The following OVAAL variants were observed in gnomAD, a reference collection of about 807,000 sequenced individuals.
OVAAL encodes the protein long intergenic non-protein coding RNA 1131.
exon 3 of OVAAL, chr1:180,565,932 G>A (rs1653281862): frequency 2.0e-5 from 3 of 152,134 alleles, no homozygotes; most frequent in Admixed American, 6.6e-5. Flanking sequence ...CCAAAAGGCC[G>A]AGAAGAGATT....
chr1:180,560,829 C>T (rs1297814830), intron 1 of OVAAL, among the ~76,000 whole-genome samples: 2 of 152,192 alleles, frequency 1.3e-5, no homozygotes, highest in East Asian at 1.9e-4. Context: ...TAGTAACTTA[C>T]ATAGTAATCA....
At chr1:180,565,635 A>G (rs1653276988) in exon 3 of OVAAL, 1 of 152,198 alleles carries the variant, frequency 6.6e-6, no homozygotes, top group Non-Finnish European at 1.5e-5. Context: ...GAACTTGAAT[A>G]AACTCTGGAC....
At chr1:180,563,390 T>C (rs61811630) in intron 2 of OVAAL, among the ~76,000 whole-genome samples, 6,522 of 152,156 alleles carry the variant, frequency 0.043, 161 homozygotes, top group Non-Finnish European at 0.053. Flanking sequence ...AGTGGAGAAT[T>C]CGTACGGGTC....
At chr1:180,563,616 G>T (rs1252310282) in intron 2 of OVAAL, among the ~76,000 whole-genome samples, 3 of 152,182 alleles carry the variant, frequency 2.0e-5, no homozygotes, top group Non-Finnish European at 4.4e-5. Context: ...CTTTCGTTGA[G>T]GGTGGTTTGT....
At chr1:180,562,709 C>T (rs796527154) in intron 2 of OVAAL, among the ~76,000 whole-genome samples, 10 of 152,210 alleles carry the variant, frequency 6.6e-5, no homozygotes, top group South Asian at 2.1e-4. Context: ...TATTCAGTAG[C>T]GGATGGGGTG....
chr1:180,561,946 T>C (rs7514062), intron 1 of OVAAL, among the ~76,000 whole-genome samples: 134,139 of 151,610 alleles, frequency 0.88, 59,430 homozygotes, highest in South Asian at 0.97. Context: ...TTGCTTGAAC[T>C]AGGGATGCTG....
intron 1 of OVAAL, among the ~76,000 whole-genome samples, chr1:180,561,398 C>G (rs1653196479): frequency 6.6e-6 from 1 of 152,110 alleles, no homozygotes; most frequent in East Asian, 1.9e-4. Context: ...ACAATCCAGT[C>G]AGGGTAACAG....
At position 180,560,630 on chromosome 1, in the gene OVAAL, T is replaced by G. The variant is rs148471715; in HGVS notation, n.373-1574T>G. On this transcript the variant is annotated intron_variant and non_coding_transcript_variant, in intron 1 of 2. Coordinates refer to ENST00000673955, the Ensembl canonical transcript of OVAAL. ...CTGAAATGGTTTTATTTTATAGATC[T>G]ACATAGTTCACATACATTAGAAATG... 1.8e-3 allele frequency among the ~76,000 whole-genome samples: 277 copies of G among 152,350 alleles called. 1 individual carries two copies. The highest frequency in any genetic ancestry group is 6.1e-3 in the African/African-American group (253 of 41,580).
At chr1:180,560,538 G>A (rs1434350709) in intron 1 of OVAAL, among the ~76,000 whole-genome samples, 1 of 152,148 alleles carries the variant, frequency 6.6e-6, no homozygotes, top group Non-Finnish European at 1.5e-5. Context: ...CCTGGCATTT[G>A]GATTTTTAGC....
chr1:180,563,533 G>A (rs914514080), intron 2 of OVAAL, among the ~76,000 whole-genome samples: 2 of 152,160 alleles, frequency 1.3e-5, no homozygotes, highest in Non-Finnish European at 2.9e-5. Context: ...CCAAGTGGGC[G>A]ACTTGAAGGA....
chr1:180,566,206 T>C (rs1221463222), exon 3 of OVAAL: 1 of 152,236 alleles, frequency 6.6e-6, no homozygotes, highest in African/African-American at 2.4e-5. Context: ...AGAGCAGGTT[T>C]GAACGTCTTC....
chr1:180,562,314 A>G (rs74561262), exon 2 of OVAAL: 4,137 of 152,386 alleles, frequency 0.027, 191 homozygotes, highest in African/African-American at 0.093. Flanking sequence ...TCTGAACAAG[A>G]ACTGTGACTA....
chr1:180,563,845 G>A (rs146968565), intron 2 of OVAAL, among the ~76,000 whole-genome samples: 58 of 152,258 alleles, frequency 3.8e-4, no homozygotes, highest in African/African-American at 1.3e-3. Context: ...ATGATCACCA[G>A]TTTCAGGTTT....
chr1:180,562,237 G>A (rs1653217465), exon 2 of OVAAL: 1 of 152,458 alleles, frequency 6.6e-6, no homozygotes, highest in South Asian at 2.1e-4. Context: ...ATGCAGACAA[G>A]GGAAGTAACT....
intron 1 of OVAAL, among the ~76,000 whole-genome samples, chr1:180,561,595 T>C (rs1305382832): frequency 6.6e-6 from 1 of 152,210 alleles, no homozygotes. Context: ...TCTGTCATTG[T>C]TCATCTTGAT....
In OVAAL at chr1:180,563,031, G is replaced by A. The variant is rs550415820; in HGVS notation, n.513+687G>A. Among the ~76,000 whole-genome samples the A allele has an allele frequency of 9.9e-5, 15 of 152,270 alleles. No individual in the cohort carries two copies. The East Asian group carries it at 2.7e-3, about 27-fold the overall frequency. On this transcript the variant is annotated intron_variant and non_coding_transcript_variant, in intron 2 of 2. Coordinates refer to ENST00000673955, the Ensembl canonical transcript of OVAAL. ...AGCAGCTTTACTGCTACTTCCCTTC[G>A]TTTTCAGTTCTGGTGGGCAAGTAAG...
chr1:180,559,812 A>G (rs1040778208), intron 1 of OVAAL, among the ~76,000 whole-genome samples: 1 of 151,970 alleles, frequency 6.6e-6, no homozygotes, highest in Non-Finnish European at 1.5e-5. Context: ...AGGCTGAGGC[A>G]GGAGAATCAC....
chr1:180,566,316 G>A (rs376985590), exon 3 of OVAAL: 8 of 152,280 alleles, frequency 5.3e-5, no homozygotes, highest in South Asian at 2.1e-4. Flanking sequence ...TTTTAGAGGC[G>A]TAATAGGAAG....
intron 1 of OVAAL, among the ~76,000 whole-genome samples, chr1:180,561,144 G>A (rs1352405841): frequency 2.6e-5 from 4 of 152,152 alleles, no homozygotes; most frequent in Admixed American, 2.0e-4. Flanking sequence ...CCTCTCAGTT[G>A]CTCCTGCCTG....
Sources: allele counts gnomAD v4.1 joint callset (sites outside exome capture counted in the v4.1 genomes callset), GRCh38; gene constraint gnomAD v4.1.1; transcripts MANE v1.5; gene names NCBI Gene and HGNC (gene_info 2026-07-23, HGNC 2026-07-21).